DAB1: variants seen among roughly 807,000 people sequenced by gnomAD.
The protein encoded by DAB1 is DAB adaptor protein 1, also known as disabled homolog 1.
DAB1 carries 15 observed loss-of-function variants against 64.6 expected under a neutral mutation model. The ratio of observed to expected loss-of-function variants is 0.23; its 90% CI spans 0.16 to 0.36. The LOEUF is 0.36. Ranked by LOEUF, DAB1 falls within the 10% of genes least tolerant of loss-of-function variation. The pLI, the probability that DAB1 is intolerant of heterozygous loss-of-function variation, is 1.00. For synonymous variants in DAB1, 235 were observed against 251.9 expected, an observed-to-expected ratio of 0.93 and a Z score of 0.64; for missense variants, 596 against 706.7, an observed-to-expected ratio of 0.84 and a Z score of 1.78.
chr1:57,041,481 C>G (rs905601513), intron 9 of DAB1, among the ~76,000 whole-genome samples: 2 of 152,184 alleles, frequency 1.3e-5, no homozygotes, highest in Non-Finnish European at 2.9e-5. Flanking sequence ...TGTGGCTGTG[C>G]TGTTCCCGGG....
intron 3 of DAB1, among the ~76,000 whole-genome samples, chr1:58,490,206 C>T (rs1424203934): frequency 6.6e-6 from 1 of 152,108 alleles, no homozygotes; most frequent in African/African-American, 2.4e-5. Context: ...AAAGATTAGA[C>T]GAATGACTAA....
chr1:57,355,372 C>T (rs760298995), intron 1 of DAB1, among the ~76,000 whole-genome samples: 5 of 151,456 alleles, frequency 3.3e-5, no homozygotes, highest in South Asian at 2.1e-4. Context: ...TTCCTTCCTT[C>T]GTTCCTTCCT....
chr1:58,083,927 G>A (rs748644796), intron 5 of DAB1, among the ~76,000 whole-genome samples: 30 of 152,118 alleles, frequency 2.0e-4, no homozygotes, highest in African/African-American at 4.6e-4. Flanking sequence ...TAAGTAGAAC[G>A]TTCTAGGGAG....
At chr1:58,093,550 T>C (rs931676008) in intron 5 of DAB1, among the ~76,000 whole-genome samples, 1 of 152,054 alleles carries the variant, frequency 6.6e-6, no homozygotes, top group Non-Finnish European at 1.5e-5. Context: ...TAATGTCTGA[T>C]GGTTTGAGGT....
At chr1:57,768,026 C>A (rs3118057) in intron 6 of DAB1, among the ~76,000 whole-genome samples, 87,863 of 151,150 alleles carry the variant, frequency 0.58, 25,665 homozygotes, top group East Asian at 0.65. Flanking sequence ...AAAATACAAA[C>A]ATTAGCCAGG....
At chr1:57,806,778 C>A (rs1651381706) in intron 6 of DAB1, among the ~76,000 whole-genome samples, 1 of 152,198 alleles carries the variant, frequency 6.6e-6, no homozygotes, top group Non-Finnish European at 1.5e-5. Context: ...GTAAACCATT[C>A]TTTGGGTACT....
intron 3 of DAB1, among the ~76,000 whole-genome samples, chr1:58,343,574 G>A (rs1307982111): frequency 6.6e-6 from 1 of 152,190 alleles, no homozygotes; most frequent in African/African-American, 2.4e-5. Flanking sequence ...CTGACAAAAA[G>A]TTGGGAGGGA....
At chr1:57,651,577 A>G (rs1439302035) in intron 6 of DAB1, among the ~76,000 whole-genome samples, 1 of 152,164 alleles carries the variant, frequency 6.6e-6, no homozygotes, top group Non-Finnish European at 1.5e-5. Context: ...AACTTTGAAC[A>G]ATTTATTTGA....
chr1:57,536,164 T>C (rs1264585397), intron 7 of DAB1, among the ~76,000 whole-genome samples: 1 of 152,214 alleles, frequency 6.6e-6, no homozygotes, highest in Non-Finnish European at 1.5e-5. Context: ...GTTCCAGCAC[T>C]GCCATTAATT....
chr1:57,603,922 C>A (rs938718436), intron 7 of DAB1, among the ~76,000 whole-genome samples: 8 of 152,174 alleles, frequency 5.3e-5, no homozygotes, highest in African/African-American at 1.7e-4. Flanking sequence ...GTATTAAACC[C>A]GACCGTTACC....
intron 6 of DAB1, among the ~76,000 whole-genome samples, chr1:57,656,587 A>C (rs940668097): frequency 6.6e-6 from 1 of 152,212 alleles, no homozygotes; most frequent in African/African-American, 2.4e-5. Context: ...TAGATCTTGG[A>C]ATAAGCCCAA....
At chr1:57,074,484 C>T (rs1192426379) in intron 4 of DAB1, among the ~76,000 whole-genome samples, 5 of 152,162 alleles carry the variant, frequency 3.3e-5, no homozygotes, top group African/African-American at 1.2e-4. Context: ...CTGGATTTCA[C>T]GATGGTCATC....
rs12079978 is a variant in DAB1, at chr1:58,117,863, T to C, written n.387+32648A>G. ...CTTTGTTTTTTTTTTTATATTTTTT[T>C]TAATATTTTTTTTCTGGGCCAGGTG... is the stretch of plus-strand genomic sequence containing the variant. On this transcript the variant is annotated intron_variant and non_coding_transcript_variant, in intron 5 of 20. Coordinates refer to the DAB1 transcript ENST00000485760. Among the ~76,000 whole-genome samples the C allele has an allele frequency of 4.1e-3, 629 of 151,988 alleles. 6 individuals carry two copies. The highest frequency in any genetic ancestry group is 0.014 in the African/African-American group (598 of 41,430).
At chr1:57,468,785 A>G (rs1687041660) in intron 7 of DAB1, among the ~76,000 whole-genome samples, 2 of 152,244 alleles carry the variant, frequency 1.3e-5, no homozygotes, top group South Asian at 2.1e-4. Context: ...TTCTGTCCCA[A>G]TAGAGCTCTG....
intron 7 of DAB1, among the ~76,000 whole-genome samples, chr1:57,491,152 G>T (rs1344217880): frequency 6.6e-6 from 1 of 152,136 alleles, no homozygotes; most frequent in East Asian, 1.9e-4. Flanking sequence ...TTTTTGGCTG[G>T]GCGCGGTGGC....
At chr1:58,513,502 C>T (rs1040873427) in intron 2 of DAB1, among the ~76,000 whole-genome samples, 11 of 152,164 alleles carry the variant, frequency 7.2e-5, no homozygotes, top group African/African-American at 2.7e-4. Flanking sequence ...AAGAATTAGA[C>T]TCTAGGTAAC....
intron 3 of DAB1, among the ~76,000 whole-genome samples, chr1:58,480,144 C>T (rs1569857424): frequency 6.6e-6 from 1 of 152,090 alleles, no homozygotes; most frequent in African/African-American, 2.4e-5. Flanking sequence ...CTTCTCTTGT[C>T]GTTTTCCTCC....
At chr1:58,011,662 G>A (rs180849675) in intron 5 of DAB1, among the ~76,000 whole-genome samples, 9 of 151,368 alleles carry the variant, frequency 5.9e-5, no homozygotes, top group Non-Finnish European at 8.8e-5. Context: ...CTTCATTTTC[G>A]TCCCCTTCCT....
intron 5 of DAB1, among the ~76,000 whole-genome samples, chr1:57,987,395 T>C (rs1646245412): frequency 6.6e-6 from 1 of 152,164 alleles, no homozygotes; most frequent in Non-Finnish European, 1.5e-5. Context: ...CACGATGTTA[T>C]GAAGGTAGTA....
Sources: gnomAD v4.1 joint callset for allele counts (sites outside exome capture counted in the v4.1 genomes callset) on GRCh38, gnomAD v4.1.1 for gene constraint, MANE v1.5 for transcripts, NCBI Gene and HGNC (gene_info 2026-07-23, HGNC 2026-07-21) for gene names.